SORL1: variants seen among roughly 807,000 people sequenced by gnomAD.
The protein encoded by SORL1 is sortilin related receptor 1.
Under a neutral mutation model 273.7 loss-of-function variants are expected in SORL1, and 127 were observed. The ratio of observed to expected loss-of-function variants is 0.46; its 90% CI spans 0.40 to 0.54. The LOEUF is 0.54. Ranked by LOEUF, SORL1 falls within the 20% of genes least tolerant of loss-of-function variation. SORL1 has a pLI of 0.00. For synonymous variants in SORL1, 1,031 were observed against 1,067.4 expected (o/e 0.97, Z 0.66); for missense variants, 2,494 against 2,846.1 (o/e 0.88, Z 2.81).
At position 121,632,109 on chromosome 11, in the gene SORL1, G is replaced by A. The variant is rs1863884905; in HGVS notation, c.*2546G>A. The A allele has an allele frequency of 6.6e-6, 1 of 152,218 alleles. No individual in the cohort carries two copies. The highest frequency in any genetic ancestry group is 2.4e-5 in the African/African-American group (1 of 41,456). The allele number at this position is 152,218 out of a possible 1,614,324, so 9.4% of individuals were successfully genotyped here. A position where few individuals can be genotyped will look rare whatever the true frequency, so the allele number is the denominator to read the frequency against. On this transcript the variant is annotated 3_prime_UTR_variant, in exon 48 of 48. Transcript: ENST00000260197. ...GAAGGGGCTTTTGTACCTTGTTGGAGATGCCACCTCAGAAGTTCACACTGT... is the reference window on the plus strand; with the variant it reads ...GAAGGGGCTTTTGTACCTTGTTGGAAATGCCACCTCAGAAGTTCACACTGT...
At chr11:121,475,514 A>G (rs1474099604) in intron 2 of SORL1, among the ~76,000 whole-genome samples, 1 of 152,196 alleles carries the variant, frequency 6.6e-6, no homozygotes, top group Non-Finnish European at 1.5e-5. Context: ...CTCCATGTGC[A>G]CGATGGCAGC....
intron 12 of SORL1, among the ~76,000 whole-genome samples, chr11:121,536,668 T>G (rs1489767242): frequency 6.6e-6 from 1 of 151,806 alleles, no homozygotes; most frequent in African/African-American, 2.4e-5. Context: ...CCTGCCTTCC[T>G]AAGTGTTGGG....
chr11:121,557,460 T>G, intron 19 of SORL1, 55 bp downstream of exon 19: 1 of 1,280,062 alleles, frequency 7.8e-7, no homozygotes, highest in Non-Finnish European at 1.1e-6. Flanking sequence ...CACTAATAGA[T>G]TCTCATGGAA....
Position 121,583,451 on chromosome 11 carries a change from G to C in SORL1, c.3581-7G>C. The C allele has an allele frequency of 6.2e-7, 1 of 1,609,800 alleles. No individual in the cohort carries two copies. The highest frequency in any genetic ancestry group is 8.5e-7 in the Non-Finnish European group (1 of 1,177,900). The stretch of plus-strand genomic sequence containing the variant: ...GTGTGCGACTGTGTCTCTCTTCTCT[G>C]TTACAGCCATCTATCACACCTGTGA... On this transcript the variant is annotated splice_region_variant and splice_polypyrimidine_tract_variant and intron_variant, in intron 25 of 47. Coordinates refer to ENST00000260197, the MANE Select transcript of SORL1 (RefSeq NM_003105.6).
At chr11:121,484,111 GTCT>G (rs1861437093) in intron 3 of SORL1, among the ~76,000 whole-genome samples, 1 of 152,176 alleles carries the variant, frequency 6.6e-6, no homozygotes, top group South Asian at 2.1e-4. Context: ...GATGGAGATT[GTCT>G]TCTGCTTTGA....
intron 2 of SORL1, among the ~76,000 whole-genome samples, chr11:121,472,865 C>A (rs982506097): frequency 6.6e-6 from 1 of 151,254 alleles, no homozygotes; most frequent in Non-Finnish European, 1.5e-5. Context: ...GAGGCTGAGG[C>A]AAGAGAATCG....
chr11:121,599,759 G>T (rs974145102), intron 32 of SORL1, among the ~76,000 whole-genome samples: 4 of 149,994 alleles, frequency 2.7e-5, no homozygotes, highest in African/African-American at 1.0e-4. Context: ...TAATTCTCCT[G>T]CTGTGTACTT....
At chr11:121,480,010 G>A (rs964023896) in intron 3 of SORL1, among the ~76,000 whole-genome samples, 2 of 152,144 alleles carry the variant, frequency 1.3e-5, no homozygotes, top group Non-Finnish European at 2.9e-5. Context: ...AGAGGGGTGG[G>A]CCCCGCTGCT....
chr11:121,482,682 G>A (rs139561371), intron 3 of SORL1, among the ~76,000 whole-genome samples: 216 of 152,398 alleles, frequency 1.4e-3, no homozygotes, highest in African/African-American at 4.8e-3. Context: ...GCTGTCAACA[G>A]CAGGGCGCTC....
chr11:121,472,094 A>G (rs1300645884), intron 2 of SORL1, among the ~76,000 whole-genome samples: 2 of 152,138 alleles, frequency 1.3e-5, no homozygotes, highest in Non-Finnish European at 1.5e-5. Flanking sequence ...GCGGTGACCT[A>G]TCTTCGTGCT....
rs781475484 is a variant in SORL1, at chr11:121,543,620, C to T, written c.1758C>T (p.Leu586=). ...FSEKPVFVYG[L]LTEPGEKSTV... is the part of the protein sequence containing the mutation. ...AGAAGCCAGTGTTTGTGTATGGCCT[C>T]CTCACAGAACCTGGGGAGAAGAGCA... Residue 586 remains leucine, a synonymous_variant, in exon 13 of 48, where the codon CTC becomes CTT. Transcript: ENST00000260197. 1.3e-5 allele frequency: 21 copies of T among 1,614,002 alleles called. No homozygotes were observed. The highest frequency in any genetic ancestry group is 3.3e-4 in the Middle Eastern group (2 of 6,082).
intron 40 of SORL1, among the ~76,000 whole-genome samples, chr11:121,613,156 A>T (rs919799994): frequency 2.0e-5 from 3 of 152,198 alleles, no homozygotes; most frequent in Non-Finnish European, 4.4e-5. Flanking sequence ...GAGTTCTTAG[A>T]TATAGACAGT....
chr11:121,628,610 A>G (rs1300201294), intron 47 of SORL1, among the ~76,000 whole-genome samples: 1 of 152,196 alleles, frequency 6.6e-6, no homozygotes, highest in Non-Finnish European at 1.5e-5. Context: ...AACACATAGC[A>G]AGGGAAAAAG....
chr11:121,620,280 T>G (rs930997156), intron 43 of SORL1, among the ~76,000 whole-genome samples: 3 of 152,212 alleles, frequency 2.0e-5, no homozygotes, highest in African/African-American at 7.2e-5. Context: ...CATGCCTATT[T>G]GTTTATATAT....
At position 121,591,032 on chromosome 11, in the gene SORL1, G is replaced by A; in HGVS notation, c.4245G>A (p.Gly1415=). 2 of 1,614,186 alleles carry A rather than the reference G, an allele frequency of 1.2e-6. No individual in the cohort carries two copies. Among genetic ancestry groups the A allele is most frequent in the South Asian group, 2.2e-5 (2 of 91,076 alleles). The part of the protein sequence containing the change: ...DSHILPFSTP[G]PSTCLPNYYR... ...ATATTCTTCCCTTCTCGACTCCTGG[G>A]CCCTCCACGTGTCTGCCCAATTACT... Residue 1415 remains glycine, a synonymous_variant, in exon 31 of 48, where the codon GGG becomes GGA. Coordinates refer to ENST00000260197, the MANE Select transcript of SORL1 (RefSeq NM_003105.6).
intron 9 of SORL1, among the ~76,000 whole-genome samples, chr11:121,521,463 T>C (rs903027220): frequency 6.6e-6 from 1 of 152,218 alleles, no homozygotes; most frequent in Non-Finnish European, 1.5e-5. Flanking sequence ...ATCGAATTAA[T>C]GGTATCATTC....
At chr11:121,455,812 G>C (rs1860893688) in intron 1 of SORL1, among the ~76,000 whole-genome samples, 1 of 152,162 alleles carries the variant, frequency 6.6e-6, no homozygotes, top group South Asian at 2.1e-4. Context: ...GGTCCACATG[G>C]GGAAACCCCG....
At chr11:121,603,975 T>A (rs1373782069) in intron 32 of SORL1, among the ~76,000 whole-genome samples, 1 of 152,224 alleles carries the variant, frequency 6.6e-6, no homozygotes, top group Non-Finnish European at 1.5e-5. Flanking sequence ...TTTGTTTGAC[T>A]CCAAAGTGCT....
intron 41 of SORL1, among the ~76,000 whole-genome samples, chr11:121,616,627 G>T (rs1455105928): frequency 6.6e-6 from 1 of 152,180 alleles, no homozygotes; most frequent in Non-Finnish European, 1.5e-5. Flanking sequence ...ACCCCTTTGA[G>T]TCCCTCAGCG....
Sources: gnomAD v4.1 joint callset for allele counts (sites outside exome capture counted in the v4.1 genomes callset) on GRCh38, gnomAD v4.1.1 for gene constraint, MANE v1.5 for transcripts, NCBI Gene and HGNC (gene_info 2026-07-23, HGNC 2026-07-21) for gene names.